Variants in ABI3BP observed in about 807,000 individuals in gnomAD.
The protein encoded by ABI3BP is target of Nesh-SH3.
In ABI3BP, 216 loss-of-function variants were observed where a neutral mutation model predicts 268.6. The ratio of observed to expected loss-of-function variants is 0.80; its 90% CI spans 0.72 to 0.90. The LOEUF is 0.90. Among genes scored for constraint, ABI3BP ranks in the 40% least tolerant of loss-of-function variants. The pLI is 0.00. For synonymous variants in ABI3BP, 730 were observed against 730.0 expected, an observed-to-expected ratio of 1.00 and a Z score of 0.00; for missense variants, 2,090 against 2,182.4, an observed-to-expected ratio of 0.96 and a Z score of 0.84.
intron 4 of ABI3BP, among the ~76,000 whole-genome samples, chr3:100,887,609 C>T (rs2042577874): frequency 6.6e-6 from 1 of 152,012 alleles, no homozygotes; most frequent in Non-Finnish European, 1.5e-5. Context: ...GAAACATACG[C>T]ATTGGGTAAA....
At chr3:100,865,990 C>T (rs574066286) in intron 10 of ABI3BP, among the ~76,000 whole-genome samples, 2 of 152,312 alleles carry the variant, frequency 1.3e-5, no homozygotes, top group South Asian at 4.1e-4. Context: ...GGACCATATT[C>T]ACCTTGCTCT....
chr3:100,882,394 C>T (rs1323040158), intron 6 of ABI3BP, among the ~76,000 whole-genome samples: 1 of 151,354 alleles, frequency 6.6e-6, no homozygotes, highest in Non-Finnish European at 1.5e-5. Flanking sequence ...GTTACTACTT[C>T]CCCATGTTCC....
In ABI3BP at chr3:100,770,785, C is replaced by G. The variant is rs755594286; in HGVS notation, c.4699G>C (p.Val1567Leu). The change falls in exon 62 of 68, where the codon GTC becomes CTC. Residue 1567 changes from valine to leucine, a missense_variant. Physicochemically the swap from Val to Leu is conservative, Grantham distance 32. Transcript: ENST00000471714. The stretch of plus-strand genomic sequence containing the variant: ...AGTGGCTTTTCCCAGTCCAAGATGA[C>G]AAATGAGGGGCACCCTTCCACGGTG... ...VVTVEGCPSFVILDWEKPLND... is the reference protein window; with the variant it reads ...VVTVEGCPSFLILDWEKPLND... 6.4e-7 allele frequency: 1 copy of G among 1,561,358 alleles called. No homozygotes were observed. The highest frequency in any genetic ancestry group is 2.3e-5 in the East Asian group (1 of 42,626).
intron 67 of ABI3BP, 30 bp downstream of exon 67, chr3:100,751,522 T>C (rs2095326705): frequency 1.3e-6 from 2 of 1,544,952 alleles, no homozygotes; most frequent in African/African-American, 1.4e-5. Flanking sequence ...TGTAAAACTC[T>C]GTTCTTATGA....
chr3:100,775,113 G>T, intron 60 of ABI3BP, 94 bp downstream of exon 60: 1 of 1,406,844 alleles, frequency 7.1e-7, no homozygotes, highest in Non-Finnish European at 9.5e-7. Flanking sequence ...TAAAATAGAA[G>T]ACCTCAAACT....
At chr3:100,852,024 G>T (rs770224522) in intron 14 of ABI3BP, 84 bp from the exon 15 acceptor site, 17 of 1,241,060 alleles carry the variant, frequency 1.4e-5, no homozygotes, top group Non-Finnish European at 1.7e-5. Flanking sequence ...ATGACATGTT[G>T]TAATGCTGGT....
At chr3:100,956,995 CTGTGATGGTAAGTTAT>C (rs2077053987) in intron 1 of ABI3BP, among the ~76,000 whole-genome samples, 1 of 152,094 alleles carries the variant, frequency 6.6e-6, no homozygotes, top group Non-Finnish European at 1.5e-5. Flanking sequence ...GGCTTTTATT[CTGTGATGGTAAGTTAT>C]TAGAGGTTTT....
chr3:100,749,479 C>T lies in ABI3BP; in HGVS notation c.*1016G>A. On this transcript the variant is annotated 3_prime_UTR_variant, in exon 68 of 68. Coordinates refer to ENST00000471714, the MANE Select transcript of ABI3BP (RefSeq NM_001375547.2). ...TGACTGCAACAGTGCAGCAAGGATTCCCATTCCCCGCCTAAAGGACAATAC... is the reference window on the plus strand; with the variant it reads ...TGACTGCAACAGTGCAGCAAGGATTTCCATTCCCCGCCTAAAGGACAATAC... 1 of 394,700 alleles carries T rather than the reference C, an allele frequency of 2.5e-6. No homozygotes were observed. Among genetic ancestry groups the T allele is most frequent in the Non-Finnish European group, 4.5e-6 (1 of 223,696 alleles). 24.4% of individuals were successfully genotyped at this position (394,700 alleles called of 1,614,324 possible).
chr3:100,776,900 C>A (rs1302221423), intron 59 of ABI3BP, among the ~76,000 whole-genome samples: 1 of 152,152 alleles, frequency 6.6e-6, no homozygotes, highest in Non-Finnish European at 1.5e-5. Context: ...TGGAGGGGGC[C>A]CCCAAGTGGC....
At chr3:100,878,034 T>A (rs2099181160) in intron 6 of ABI3BP, among the ~76,000 whole-genome samples, 1 of 152,232 alleles carries the variant, frequency 6.6e-6, no homozygotes, top group East Asian at 1.9e-4. Flanking sequence ...TCAGATTATT[T>A]TTTTAAAGGG....
chr3:100,900,680 T>A (rs1276831905), intron 3 of ABI3BP, among the ~76,000 whole-genome samples: 1 of 152,104 alleles, frequency 6.6e-6, no homozygotes, highest in Non-Finnish European at 1.5e-5. Context: ...TAATTAAAAT[T>A]TATGTGGCAG....
chr3:100,825,957 C>G (rs2098375154), intron 34 of ABI3BP, 113 bp from the exon 35 acceptor site: 1 of 785,302 alleles, frequency 1.3e-6, no homozygotes, highest in African/African-American at 1.7e-5. Flanking sequence ...TTAAACATTT[C>G]TGGGAAGGGC....
chr3:100,877,577 T>C (rs1227193631), intron 6 of ABI3BP, among the ~76,000 whole-genome samples: 1 of 152,110 alleles, frequency 6.6e-6, no homozygotes, highest in Non-Finnish European at 1.5e-5. Flanking sequence ...GTGCAGACTT[T>C]AAAGCAGAGT....
chr3:100,880,242 G>T (rs2099213422), intron 6 of ABI3BP, among the ~76,000 whole-genome samples: 2 of 152,168 alleles, frequency 1.3e-5, no homozygotes, highest in South Asian at 4.1e-4. Flanking sequence ...TTTGGCTGGT[G>T]TGGCCTCAGC....
At chr3:100,857,937 A>G (rs574181046) in intron 14 of ABI3BP, among the ~76,000 whole-genome samples, 1 of 152,270 alleles carries the variant, frequency 6.6e-6, no homozygotes, top group African/African-American at 2.4e-5. Flanking sequence ...GCAGGTGCAC[A>G]TACGTGCACA....
chr3:100,960,282 C>A (rs909497472), intron 1 of ABI3BP, among the ~76,000 whole-genome samples: 1 of 152,102 alleles, frequency 6.6e-6, no homozygotes, highest in African/African-American at 2.4e-5. Flanking sequence ...TGAACCAGTG[C>A]AACATGCATG....
chr3:100,817,666 C>T (rs2098098341), intron 41 of ABI3BP, among the ~76,000 whole-genome samples, 171 bp from the exon 42 acceptor site: 1 of 152,182 alleles, frequency 6.6e-6, no homozygotes, highest in Non-Finnish European at 1.5e-5. Flanking sequence ...CAGCATTGCA[C>T]TCAGCTTAAT....
intron 14 of ABI3BP, among the ~76,000 whole-genome samples, chr3:100,861,893 A>C (rs1204525123): frequency 1.3e-5 from 2 of 152,224 alleles, no homozygotes; most frequent in Non-Finnish European, 2.9e-5. Context: ...TACTATCTTC[A>C]CATAGTAAGC....
At chr3:100,805,074 C>T (rs576239004) in intron 50 of ABI3BP, among the ~76,000 whole-genome samples, 7 of 152,014 alleles carry the variant, frequency 4.6e-5, no homozygotes, top group South Asian at 4.2e-4. Flanking sequence ...TAGTGAAATC[C>T]GAGAAACTGC....
Sources: gnomAD v4.1 joint callset for allele counts (sites outside exome capture counted in the v4.1 genomes callset) on GRCh38, gnomAD v4.1.1 for gene constraint, MANE v1.5 for transcripts, NCBI Gene and HGNC (gene_info 2026-07-23, HGNC 2026-07-21) for gene names.